Variants in HMGB1 observed in about 807,000 individuals in gnomAD.
HMGB1 encodes high mobility group protein B1.
For missense variants in HMGB1, 79 were observed against 253.5 expected, an observed-to-expected ratio of 0.31 and a Z score of 4.67; for synonymous variants, 81 against 84.0, an observed-to-expected ratio of 0.96 and a Z score of 0.19.
chr13:30,601,678 G>A (rs1164584202), intron 1 of HMGB1, among the ~76,000 whole-genome samples: 1 of 41,670 alleles, frequency 2.4e-5, no homozygotes, highest in Non-Finnish European at 4.1e-5. Context: ...CCCGGGAGGC[G>A]GAGCTTGCAG....
At chr13:30,553,683 A>G (rs1869536953) in intron 1 of HMGB1, 1 of 838,162 alleles carries the variant, frequency 1.2e-6, no homozygotes, top group Non-Finnish European at 2.0e-6. Flanking sequence ...GCCCACCATC[A>G]TTGAGCGGGA....
intron 1 of HMGB1, among the ~76,000 whole-genome samples, chr13:30,556,699 T>C (rs1370065463): frequency 1.3e-5 from 2 of 152,098 alleles, no homozygotes; most frequent in African/African-American, 4.8e-5. Flanking sequence ...ATGCGAAAGC[T>C]AAAAAAAGTT....
At chr13:30,518,132 G>T (rs1371987307) in intron 1 of HMGB1, among the ~76,000 whole-genome samples, 1 of 152,000 alleles carries the variant, frequency 6.6e-6, no homozygotes, top group Non-Finnish European at 1.5e-5. Context: ...AGGAATTTAA[G>T]ACCAGCCTGG....
Position 30,559,725 on chromosome 13 carries a change from T to C in HMGB1, c.-15+56946A>G, listed in dbSNP as rs534437447. On this transcript the variant is annotated intron_variant, in intron 1 of 4. Transcript: ENST00000405805. The surrounding 1 kb of genome is among the most constrained non-coding windows in gnomAD (Gnocchi z 6.6). ...GAACTCAAGATTTACAAAAATGTAT[T>C]TCAGCCCAAGTCTCTCCATAACTAC... is the stretch of plus-strand genomic sequence containing the variant. 7.9e-5 allele frequency among the ~76,000 whole-genome samples: 12 copies of C among 152,184 alleles called. No homozygotes were observed. Among genetic ancestry groups the C allele is most frequent in the Non-Finnish European group, 2.9e-5 (2 of 68,030 alleles).
chr13:30,615,189 T>C lies in HMGB1; in HGVS notation c.-15+1482A>G, dbSNP rs548756411. 4.6e-5 allele frequency among the ~76,000 whole-genome samples: 7 copies of C among 152,346 alleles called. No individual in the cohort carries two copies. In the South Asian group the frequency reaches 1.4e-3, roughly 32 times the overall value. The stretch of plus-strand genomic sequence containing the variant: ...ATGATATGACAGACACACAATATGA[T>C]ACACGTATTTTTTTCTATCCTAACA... On this transcript the variant is annotated intron_variant, in intron 1 of 4. Transcript: ENST00000405805.
At position 30,475,695 on chromosome 13, in the gene HMGB1, C is replaced by G. The variant is rs572630095; in HGVS notation, c.-14-12001G>C. 4.6e-5 allele frequency among the ~76,000 whole-genome samples: 7 copies of G among 152,168 alleles called. 1 individual carries two copies. In the South Asian group the frequency reaches 1.4e-3, roughly 32 times the overall value. On this transcript the variant is annotated intron_variant, in intron 1 of 4. Transcript: ENST00000405805. The stretch of plus-strand genomic sequence containing the variant: ...ATCCAGCCTGGGCAACAGAGAGAGA[C>G]CCTGTCTCTAAACAAACAAACAAAA...
chr13:30,555,470 T>G (rs1869648047), intron 1 of HMGB1, among the ~76,000 whole-genome samples: 1 of 152,216 alleles, frequency 6.6e-6, no homozygotes, highest in East Asian at 1.9e-4. Flanking sequence ...AATATTTTTG[T>G]TAAAGAGTCA....
chr13:30,573,370 TTA>T (rs1870513694), intron 1 of HMGB1, among the ~76,000 whole-genome samples: 1 of 152,230 alleles, frequency 6.6e-6, no homozygotes, highest in African/African-American at 2.4e-5. Flanking sequence ...AATAAATTCT[TTA>T]TGATTTTCTG....
chr13:30,464,721 C>CCGCCGA, intron 1 of HMGB1: 3 of 817,556 alleles, frequency 3.7e-6, no homozygotes, highest in Non-Finnish European at 4.4e-6. Flanking sequence ...GCCGCCGCCG[C>CCGCCGA]CGCGAGGGCG....
intron 1 of HMGB1, among the ~76,000 whole-genome samples, chr13:30,486,646 A>G (rs1037431727): frequency 3.9e-5 from 6 of 152,216 alleles, no homozygotes; most frequent in Non-Finnish European, 8.8e-5. Flanking sequence ...CTCTTGCTGG[A>G]GGCTGCCTGC....
At chr13:30,580,817 T>C (rs1350852234) in intron 1 of HMGB1, among the ~76,000 whole-genome samples, 1 of 152,224 alleles carries the variant, frequency 6.6e-6, no homozygotes, top group African/African-American at 2.4e-5. Context: ...ATTTCTATCA[T>C]GTTTTGCTCA....
At chr13:30,525,354 G>C (rs968700096) in intron 1 of HMGB1, among the ~76,000 whole-genome samples, 3 of 152,176 alleles carry the variant, frequency 2.0e-5, no homozygotes, top group Non-Finnish European at 1.5e-5. Context: ...CAGTATTCTT[G>C]TTCTTTGGCG....
intron 1 of HMGB1, among the ~76,000 whole-genome samples, chr13:30,595,883 A>G (rs1385694922): frequency 1.3e-5 from 2 of 152,230 alleles, no homozygotes; most frequent in Admixed American, 6.5e-5. Flanking sequence ...TTCATGACCT[A>G]GCCTCAAAAG....
intron 1 of HMGB1, among the ~76,000 whole-genome samples, chr13:30,606,610 C>T (rs1950461116): frequency 6.6e-6 from 1 of 152,192 alleles, no homozygotes; most frequent in South Asian, 2.1e-4. Flanking sequence ...ATTATGACAT[C>T]CAAATGAGTT....
intron 1 of HMGB1, among the ~76,000 whole-genome samples, chr13:30,509,227 T>A (rs886264770): frequency 6.0e-5 from 9 of 151,226 alleles, no homozygotes; most frequent in Admixed American, 3.3e-4. Flanking sequence ...CATGAGTCAC[T>A]GCGCCCAGCA....
chr13:30,568,206 A>AAC (rs1870274419), intron 1 of HMGB1, among the ~76,000 whole-genome samples: 4 of 152,156 alleles, frequency 2.6e-5, no homozygotes, highest in Non-Finnish European at 5.9e-5. Flanking sequence ...TGTGGATGTA[A>AAC]CCTTATTTGG....
Position 30,456,760 on chromosome 13 carries a change from C to CGGGG in HMGB1, c.*4593_*4596dup, listed in dbSNP as rs386378689. On this transcript the variant is annotated 3_prime_UTR_variant, in exon 5 of 5. Transcript: ENST00000341423. ...CAGCATAAATAACAGCTTTTGTGGGCGGGGGGGGGGGGTGGTGGGGTGCAA... is the reference window on the plus strand; with the variant it reads ...CAGCATAAATAACAGCTTTTGTGGGCGGGGGGGGGGGGGGGGTGGTGGGGTGCAA... 0.011 allele frequency: 152 copies of CGGGG among 13,464 alleles called. 5 individuals are homozygous for CGGGG. Among genetic ancestry groups the CGGGG allele is most frequent in the South Asian group, 0.024 (12 of 502 alleles). 0.8% of individuals were successfully genotyped at this position (13,464 alleles called of 1,614,324 possible).
chr13:30,534,369 A>G (rs1374374677), intron 1 of HMGB1, among the ~76,000 whole-genome samples: 2 of 152,200 alleles, frequency 1.3e-5, no homozygotes, highest in Admixed American at 6.5e-5. Flanking sequence ...GCTCTGCTCT[A>G]CAAAAATGGA....
intron 1 of HMGB1, among the ~76,000 whole-genome samples, chr13:30,609,065 T>C (rs1207998922): frequency 6.7e-6 from 1 of 149,178 alleles, no homozygotes; most frequent in South Asian, 2.1e-4. Context: ...ATCAAGACCA[T>C]CCTGGCTAAC....
Sources: gnomAD v4.1 joint callset for allele counts (sites outside exome capture counted in the v4.1 genomes callset) on GRCh38, gnomAD v4.1.1 for gene constraint, Gnocchi (gnomAD v3.1) non-coding constraint, MANE v1.5 for transcripts, NCBI Gene and HGNC (gene_info 2026-07-23, HGNC 2026-07-21) for gene names.